Variants in KATNIP observed in about 807,000 individuals in gnomAD.
KATNIP encodes katanin-interacting protein.
In KATNIP, 126 loss-of-function variants were observed where a neutral mutation model predicts 174.0. The observed-to-expected ratio is 0.72, with a 90% CI of 0.63 to 0.84. The LOEUF (loss-of-function observed/expected upper bound fraction) is 0.84. Among genes scored for constraint, KATNIP ranks in the 40% least tolerant of loss-of-function variants. KATNIP has a pLI of 0.00. For synonymous variants in KATNIP, 810 were observed against 835.7 expected, an observed-to-expected ratio of 0.97 and a Z score of 0.53; for missense variants, 1,958 against 2,109.7, an observed-to-expected ratio of 0.93 and a Z score of 1.41.
At chr16:27,557,273 C>T (rs1026054530) in intron 1 of KATNIP, among the ~76,000 whole-genome samples, 5 of 151,810 alleles carry the variant, frequency 3.3e-5, no homozygotes, top group African/African-American at 1.2e-4. Context: ...TCCTGGGTAG[C>T]TGGGATTACA....
intron 10 of KATNIP, 135 bp from the exon 11 acceptor site, chr16:27,701,454 C>A: frequency 1.5e-6 from 1 of 646,474 alleles, no homozygotes; most frequent in Non-Finnish European, 2.8e-6. Flanking sequence ...GTTGCTGTCA[C>A]CCTCACATTC....
At chr16:27,631,205 T>C in intron 5 of KATNIP, 43 bp downstream of exon 5, 1 of 1,369,744 alleles carries the variant, frequency 7.3e-7, no homozygotes, top group Non-Finnish European at 1.0e-6. Flanking sequence ...GAATACAGAG[T>C]GTGGGTGGCT....
At chr16:27,627,874 C>T (rs2142136232) in intron 3 of KATNIP, among the ~76,000 whole-genome samples, 1 of 152,052 alleles carries the variant, frequency 6.6e-6, no homozygotes, top group East Asian at 1.9e-4. Flanking sequence ...GGAAGCAGTT[C>T]TCTGGGGGCT....
At chr16:27,734,296 C>T (rs1379664212) in intron 14 of KATNIP, among the ~76,000 whole-genome samples, 2 of 150,768 alleles carry the variant, frequency 1.3e-5, no homozygotes, top group African/African-American at 4.9e-5. Context: ...CTCTGCAGAG[C>T]GGTCTCAAAT....
In KATNIP at chr16:27,721,611, G is replaced by GT; in HGVS notation, c.1665dup (p.Val556CysfsTer25). 2 of 1,614,156 alleles carry GT rather than the reference G, an allele frequency of 1.2e-6. No individual in the cohort carries two copies. Among genetic ancestry groups the GT allele is most frequent in the Non-Finnish European group, 1.7e-6 (2 of 1,180,016 alleles). On this transcript the variant is annotated frameshift_variant, in exon 14 of 28. Transcript: ENST00000261588. LOFTEE classifies it high-confidence loss of function. Reference sequence around the variant, plus strand: ...GCCCCTTCCACCCACCACTCCAGCTGTTTTTTGTTATTCGAAACACAAGAC... The same window carrying GT: ...GCCCCTTCCACCCACCACTCCAGCTGTTTTTTTGTTATTCGAAACACAAGAC...
At chr16:27,568,459 G>A (rs987892324) in intron 1 of KATNIP, among the ~76,000 whole-genome samples, 1 of 151,908 alleles carries the variant, frequency 6.6e-6, no homozygotes, top group Admixed American at 6.6e-5. Context: ...GCCTTGCCCC[G>A]GGAATAAGAA....
intron 14 of KATNIP, chr16:27,722,242 C>T (rs2080274318): frequency 6.6e-6 from 1 of 152,526 alleles, no homozygotes; most frequent in African/African-American, 2.4e-5. Flanking sequence ...AGGCTCTTAA[C>T]CTCTGACTAT....
chr16:27,562,358 T>A (rs1013983983), intron 1 of KATNIP, among the ~76,000 whole-genome samples: 11 of 152,182 alleles, frequency 7.2e-5, no homozygotes, highest in Non-Finnish European at 1.5e-5. Context: ...CCCATAAGGC[T>A]GCTAGGAGAA....
At chr16:27,556,232 C>A (rs996136732) in intron 1 of KATNIP, among the ~76,000 whole-genome samples, 1 of 152,120 alleles carries the variant, frequency 6.6e-6, no homozygotes. Context: ...GCTGATGAAG[C>A]TCTCTAGCAG....
At chr16:27,552,333 C>T (rs751554152) in intron 1 of KATNIP, among the ~76,000 whole-genome samples, 1 of 151,532 alleles carries the variant, frequency 6.6e-6, no homozygotes, top group African/African-American at 2.4e-5. Flanking sequence ...TAGACACTCT[C>T]CTTTCATACT....
At chr16:27,558,766 C>A (rs919603268) in intron 1 of KATNIP, among the ~76,000 whole-genome samples, 3 of 152,214 alleles carry the variant, frequency 2.0e-5, no homozygotes, top group African/African-American at 7.2e-5. Context: ...GTACAGGAAA[C>A]GTTTGCTGAC....
intron 8 of KATNIP, 45 bp from the exon 9 acceptor site, chr16:27,698,283 C>G (rs897515283): frequency 1.9e-6 from 3 of 1,563,566 alleles, no homozygotes; most frequent in Non-Finnish European, 2.6e-6. Flanking sequence ...AGCTGCACTC[C>G]GAGAATATAA....
chr16:27,667,366 A>G (rs2077722709), intron 6 of KATNIP, among the ~76,000 whole-genome samples: 1 of 152,182 alleles, frequency 6.6e-6, no homozygotes. Flanking sequence ...AAAAAGAACA[A>G]ATTAATCAAC....
At chr16:27,580,674 T>C (rs1029906487) in intron 2 of KATNIP, among the ~76,000 whole-genome samples, 2 of 151,168 alleles carry the variant, frequency 1.3e-5, no homozygotes, top group Non-Finnish European at 2.9e-5. Context: ...ATTCCCCTCA[T>C]GCAATACACA....
chr16:27,614,418 C>T (rs1192671072), intron 2 of KATNIP, among the ~76,000 whole-genome samples: 1 of 152,204 alleles, frequency 6.6e-6, no homozygotes, highest in African/African-American at 2.4e-5. Context: ...GCCTCAGCCT[C>T]CCAAAGTGCT....
chr16:27,629,260 A>G (rs774383630), intron 4 of KATNIP, among the ~76,000 whole-genome samples: 3 of 151,972 alleles, frequency 2.0e-5, no homozygotes, highest in Non-Finnish European at 4.4e-5. Context: ...CCAGAAAGAG[A>G]GCATAAGAAT....
At position 27,550,325 on chromosome 16, in the gene KATNIP, A is replaced by C. The variant is rs1246981185; in HGVS notation, c.7+148A>C. 7 of 894,042 alleles carry C rather than the reference A, an allele frequency of 7.8e-6. No homozygotes were observed. In the Middle Eastern group the frequency reaches 9.0e-4, roughly 114 times the overall value. 55.4% of individuals were successfully genotyped at this position (894,042 alleles called of 1,614,324 possible). A position where few individuals can be genotyped will look rare whatever the true frequency, so the allele number is the denominator to read the frequency against. On this transcript the variant is annotated intron_variant, in intron 1 of 27. Transcript: ENST00000261588. ...TCCGAAATGAGGGATAGGGAGGCTTAGTGGTCTGGAACGCGGAGGAGAGCC... is the reference window on the plus strand; with the variant it reads ...TCCGAAATGAGGGATAGGGAGGCTTCGTGGTCTGGAACGCGGAGGAGAGCC...
At chr16:27,699,258 A>G (rs1056921123) in intron 9 of KATNIP, among the ~76,000 whole-genome samples, 8 of 151,934 alleles carry the variant, frequency 5.3e-5, no homozygotes, top group African/African-American at 1.9e-4. Flanking sequence ...AGGTGATCAC[A>G]TCTTTGCAAG....
rs567590036 is a variant in KATNIP at position 27,739,901 on chromosome 16, C to T, written c.1744-140C>T. ...AATGAGACCAAGCCTAGTTTCACAC[C>T]CCCAGCACTGTGGTTTTCAAAAGCT... On this transcript the variant is annotated intron_variant, in intron 14 of 27. Coordinates refer to ENST00000261588, the MANE Select transcript of KATNIP (RefSeq NM_015202.5). 8 of 838,268 alleles carry T rather than the reference C, an allele frequency of 9.5e-6. No homozygotes were observed. In the East Asian group the frequency reaches 1.8e-4, roughly 19 times the overall value. The allele number at this position is 838,268 out of a possible 1,614,324, so 51.9% of individuals were successfully genotyped here. A position where few individuals can be genotyped will look rare whatever the true frequency, so the allele number is the denominator to read the frequency against.
Sources: allele counts gnomAD v4.1 joint callset (sites outside exome capture counted in the v4.1 genomes callset), GRCh38; gene constraint gnomAD v4.1.1; transcripts MANE v1.5; gene names NCBI Gene and HGNC (gene_info 2026-07-23, HGNC 2026-07-21).